Variants in AFF1 observed in about 807,000 individuals in gnomAD.
The protein encoded by AFF1 is AF4/FMR2 family member 1.
A neutral mutation model predicts 121.7 loss-of-function variants in AFF1; 48 were observed. That is an observed-to-expected ratio of 0.39 (90% CI 0.31 to 0.50). The LOEUF is 0.50. Among genes scored for constraint, AFF1 ranks in the 20% least tolerant of loss-of-function variants. AFF1 has a pLI of 0.76. For missense variants in AFF1, 1,523 were observed against 1,511.7 expected (o/e 1.01, Z -0.12); for synonymous variants, 613 against 563.0 (o/e 1.09, Z -1.26).
At chr4:87,087,256 G>A (rs565034020) in intron 5 of AFF1, among the ~76,000 whole-genome samples, 15 of 152,374 alleles carry the variant, frequency 9.8e-5, no homozygotes, top group African/African-American at 3.1e-4. Context: ...GGATGTTGTA[G>A]TGAATAAGAC....
At chr4:87,086,621 CAGTTA>C (rs1466218396) in intron 5 of AFF1, among the ~76,000 whole-genome samples, 5 of 152,174 alleles carry the variant, frequency 3.3e-5, no homozygotes, top group Admixed American at 2.0e-4. Context: ...TCTGTGACCT[CAGTTA>C]AGTTATAGGT....
intron 12 of AFF1, among the ~76,000 whole-genome samples, chr4:87,116,902 G>GA (rs1257332593): frequency 6.6e-6 from 1 of 152,070 alleles, no homozygotes; most frequent in Non-Finnish European, 1.5e-5. Context: ...ACCTGGTTAG[G>GA]AAAAAGATAC....
chr4:87,105,083 T>A (rs140096367), intron 8 of AFF1, among the ~76,000 whole-genome samples: 172 of 152,392 alleles, frequency 1.1e-3, no homozygotes, highest in African/African-American at 3.7e-3. Flanking sequence ...ATCATACATC[T>A]TACTGTGTAT....
chr4:87,013,043 T>TTTTTTTTTTTTG (rs1726953441), intron 2 of AFF1, among the ~76,000 whole-genome samples: 1 of 132,018 alleles, frequency 7.6e-6, no homozygotes, highest in African/African-American at 3.3e-5. Flanking sequence ...TTTTTTTTTT[T>TTTTTTTTTTTTG]TTTTTTTTTT....
intron 1 of AFF1, among the ~76,000 whole-genome samples, chr4:86,942,217 A>G (rs1191125066): frequency 6.6e-6 from 1 of 152,162 alleles, no homozygotes; most frequent in Non-Finnish European, 1.5e-5. Flanking sequence ...AAACTTTTGT[A>G]AGGGTCCAAA....
chr4:87,093,675 A>G (rs923822897), intron 7 of AFF1, among the ~76,000 whole-genome samples: 5 of 152,216 alleles, frequency 3.3e-5, no homozygotes, highest in Non-Finnish European at 7.3e-5. Flanking sequence ...TCTTGGTCCT[A>G]GCTTTCTAGA....
intron 17 of AFF1, among the ~76,000 whole-genome samples, 188 bp downstream of exon 17, chr4:87,131,407 G>C (rs940476101): frequency 6.6e-6 from 1 of 152,234 alleles, no homozygotes; most frequent in African/African-American, 2.4e-5. Flanking sequence ...GAATAACTGG[G>C]TCCAACTGCA....
In AFF1 at chr4:86,998,188, G is replaced by A. The variant is rs1725391056; in HGVS notation, c.39-47978G>A. On this transcript the variant is annotated intron_variant, in intron 2 of 20. Coordinates refer to ENST00000395146, the MANE Select transcript of AFF1 (RefSeq NM_001166693.3). ...GGCAGAAGTAGAACCAATGGAACAG[G>A]GCTCTATTTTAGCTTCATGAGAGAT... 2.0e-5 allele frequency among the ~76,000 whole-genome samples: 3 copies of A among 151,596 alleles called. No individual in the cohort carries two copies. The South Asian group carries it at 6.2e-4, about 32-fold the overall frequency.
At chr4:87,094,498 G>A (rs1011835081) in intron 7 of AFF1, among the ~76,000 whole-genome samples, 1 of 152,126 alleles carries the variant, frequency 6.6e-6, no homozygotes, top group Admixed American at 6.5e-5. Context: ...GGGACAGGTG[G>A]GATGGAGAGC....
rs771997563 is a variant in AFF1, at chr4:87,047,136, C to G, written c.601C>G (p.Pro201Ala). Residue 201 changes from proline to alanine, a missense_variant, in exon 4 of 21, where the codon CCA becomes GCA. Physicochemically the swap from Pro to Ala is conservative, Grantham distance 27 (BLOSUM62 -1). Around this residue, in one of 5 missense-constraint regions of AFF1, gnomAD observed 369 missense variants for 367.2 expected, o/e 1.00. Transcript: ENST00000395146. ...CTGTGCTTCGGTGACAGATTCGGCT[C>G]CAGAGAGGGAGCTTTCTCCCTTAAT... ...DHCASVTDSA[P>A]ERELSPLISL... 2 of 1,614,218 alleles carry G rather than the reference C, an allele frequency of 1.2e-6. No homozygotes were observed. The highest frequency in any genetic ancestry group is 2.2e-5 in the East Asian group (1 of 44,880).
At chr4:87,095,577 T>G (rs976826899) in intron 8 of AFF1, among the ~76,000 whole-genome samples, 6 of 152,212 alleles carry the variant, frequency 3.9e-5, no homozygotes, top group African/African-American at 1.2e-4. Context: ...CTTTAATAGC[T>G]TTAGCTGTTA....
In AFF1 at chr4:87,058,829, T is replaced by C. The variant is rs147944195; in HGVS notation, c.1059+11235T>C. The stretch of plus-strand genomic sequence containing the variant: ...TCCCCTCCCCTCTACTTGCAACCCA[T>C]TGCAGCCTGCTCTGTGCCTTCACGC... On this transcript the variant is annotated intron_variant, in intron 4 of 20. Coordinates refer to ENST00000395146, the MANE Select transcript of AFF1 (RefSeq NM_001166693.3). Among the ~76,000 whole-genome samples, 669 of 152,204 alleles carry C rather than the reference T, an allele frequency of 4.4e-3. 6 individuals are homozygous for C. Among genetic ancestry groups the C allele is most frequent in the African/African-American group, 0.015 (643 of 41,532 alleles).
intron 2 of AFF1, among the ~76,000 whole-genome samples, chr4:87,012,580 A>AT (rs748921596): frequency 8.5e-5 from 13 of 152,124 alleles, no homozygotes; most frequent in Non-Finnish European, 1.3e-4. Flanking sequence ...CTGAAGTAGT[A>AT]TTTTCTGTCT....
intron 4 of AFF1, among the ~76,000 whole-genome samples, chr4:87,073,756 C>T (rs1291767432): frequency 6.6e-6 from 1 of 152,186 alleles, no homozygotes; most frequent in African/African-American, 2.4e-5. Flanking sequence ...AGCTTATGCT[C>T]AGCTGTGAAA....
At chr4:86,966,295 T>G (rs559265361) in intron 2 of AFF1, among the ~76,000 whole-genome samples, 5 of 152,144 alleles carry the variant, frequency 3.3e-5, no homozygotes, top group Non-Finnish European at 7.4e-5. Context: ...CTTCTCTGAT[T>G]TCTGAGACAC....
At chr4:87,117,622 G>T (rs1188392179) in intron 12 of AFF1, among the ~76,000 whole-genome samples, 2 of 152,210 alleles carry the variant, frequency 1.3e-5, no homozygotes, top group East Asian at 3.8e-4. Context: ...GGTCAAGTGT[G>T]CAGTGTTTAG....
chr4:87,134,051 AGTG>A (rs1248942845), intron 19 of AFF1, among the ~76,000 whole-genome samples: 1 of 152,256 alleles, frequency 6.6e-6, no homozygotes, highest in Admixed American at 6.5e-5. Flanking sequence ...GAGATGTTCA[AGTG>A]GTGGCAGAAA....
intron 2 of AFF1, among the ~76,000 whole-genome samples, chr4:87,035,581 C>A (rs1426821832): frequency 6.6e-6 from 1 of 151,096 alleles, no homozygotes; most frequent in Admixed American, 6.6e-5. Context: ...AAAAAATACT[C>A]AGGAGCTTTA....
chr4:86,990,249 G>A (rs1724596531), intron 2 of AFF1, among the ~76,000 whole-genome samples: 1 of 151,398 alleles, frequency 6.6e-6, no homozygotes, highest in Non-Finnish European at 1.5e-5. Context: ...TTGGGAGGCT[G>A]AGGCAGGAGA....
Sources: allele counts gnomAD v4.1 joint callset (sites outside exome capture counted in the v4.1 genomes callset), GRCh38; gene constraint gnomAD v4.1.1; regional missense constraint gnomAD v4.1.1; transcripts MANE v1.5; gene names NCBI Gene and HGNC (gene_info 2026-07-23, HGNC 2026-07-21).